MOSMO: variants seen among roughly 807,000 people sequenced by gnomAD.
MOSMO encodes modulator of smoothened protein.
In MOSMO, 5 loss-of-function variants were observed where a neutral mutation model predicts 18.4. That is an observed-to-expected ratio of 0.27 (90% CI 0.14 to 0.57). MOSMO has a LOEUF of 0.57. Ranked by LOEUF, MOSMO falls within the 20% of genes least tolerant of loss-of-function variation. MOSMO has a pLI of 0.92. For synonymous variants in MOSMO, 82 were observed against 82.3 expected (o/e 1.00, Z 0.02); for missense variants, 138 against 211.8 (o/e 0.65, Z 2.16).
At chr16:22,051,496 A>T (rs1186902780) in intron 1 of MOSMO, among the ~76,000 whole-genome samples, 1 of 152,196 alleles carries the variant, frequency 6.6e-6, no homozygotes, top group East Asian at 1.9e-4. Flanking sequence ...GTCAAACCAC[A>T]GACAAATGGC....
chr16:22,075,370 G>A, intron 1 of MOSMO, 117 bp from the exon 2 acceptor site: 2 of 776,374 alleles, frequency 2.6e-6, no homozygotes, highest in Admixed American at 4.1e-5. Flanking sequence ...CTTAGGATGT[G>A]CTTGAATGAC....
downstream of MOSMO, chr16:22,085,115 A>G (rs898267519): frequency 2.0e-5 from 3 of 152,234 alleles, no homozygotes; most frequent in African/African-American, 7.2e-5. Flanking sequence ...GAGCAAATAC[A>G]GAGGCCTTTA....
chr16:22,057,466 T>G (rs1430994215), intron 1 of MOSMO, among the ~76,000 whole-genome samples: 1 of 152,250 alleles, frequency 6.6e-6, no homozygotes, highest in African/African-American at 2.4e-5. Flanking sequence ...CCCAACACAG[T>G]TGCATTGCCG....
At chr16:22,056,380 T>C (rs994951769) in intron 1 of MOSMO, among the ~76,000 whole-genome samples, 4 of 138,040 alleles carry the variant, frequency 2.9e-5, no homozygotes, top group African/African-American at 1.1e-4. Flanking sequence ...TTTTTTTTTT[T>C]TTTTTTTTTT....
At chr16:22,017,261 A>G (rs566876317) in intron 1 of MOSMO, among the ~76,000 whole-genome samples, 2 of 152,284 alleles carry the variant, frequency 1.3e-5, no homozygotes, top group Middle Eastern at 3.4e-3. Flanking sequence ...ATGCATAATT[A>G]TTTACATAGT....
intron 1 of MOSMO, among the ~76,000 whole-genome samples, chr16:22,034,569 T>C (rs971896343): frequency 1.3e-5 from 2 of 152,094 alleles, no homozygotes; most frequent in Admixed American, 1.3e-4. Flanking sequence ...AGAAGTCTCA[T>C]GTAATTCTTA....
intron 1 of MOSMO, among the ~76,000 whole-genome samples, chr16:22,067,979 T>G (rs2141769577): frequency 6.6e-6 from 1 of 152,110 alleles, no homozygotes; most frequent in East Asian, 1.9e-4. Flanking sequence ...CATTTCAAGA[T>G]AAACAGAAAT....
intron 1 of MOSMO, among the ~76,000 whole-genome samples, chr16:22,038,266 A>G (rs1598007560): frequency 6.6e-6 from 1 of 152,236 alleles, no homozygotes; most frequent in Non-Finnish European, 1.5e-5. Flanking sequence ...GAGAAGTGGT[A>G]AAGTAGGAGC....
At chr16:22,043,218 A>G (rs1900243166) in intron 1 of MOSMO, among the ~76,000 whole-genome samples, 1 of 152,216 alleles carries the variant, frequency 6.6e-6, no homozygotes, top group South Asian at 2.1e-4. Flanking sequence ...CTAGCATGAC[A>G]CATAGAAACT....
chr16:22,077,801 C>T (rs1264871714), intron 2 of MOSMO, among the ~76,000 whole-genome samples: 2 of 151,916 alleles, frequency 1.3e-5, no homozygotes, highest in Admixed American at 1.3e-4. Flanking sequence ...GCATGAGGAC[C>T]TTGAGGGTGA....
Position 22,083,564 on chromosome 16 carries a change from A to G in MOSMO, c.*2684A>G, listed in dbSNP as rs1901119705. 7.0e-6 allele frequency: 3 copies of G among 430,686 alleles called. No homozygotes were observed. The highest frequency in any genetic ancestry group is 3.0e-5 in the Admixed American group (1 of 32,886). 26.7% of individuals were successfully genotyped at this position (430,686 alleles called of 1,614,324 possible). On this transcript the variant is annotated 3_prime_UTR_variant, in exon 3 of 3. Coordinates refer to ENST00000542527, the MANE Select transcript of MOSMO (RefSeq NM_001164579.2). ...AAAAAAGGTCACTATAATAAGTACT[A>G]TATAGTACAGTATTAATTTATAGCA...
chr16:22,053,503 A>T (rs1056812590), intron 1 of MOSMO, among the ~76,000 whole-genome samples: 1 of 152,138 alleles, frequency 6.6e-6, no homozygotes, highest in Non-Finnish European at 1.5e-5. Flanking sequence ...GTAAAGATAC[A>T]CAAGAAGTGG....
At chr16:22,035,756 G>A (rs1900095931) in intron 1 of MOSMO, among the ~76,000 whole-genome samples, 1 of 152,174 alleles carries the variant, frequency 6.6e-6, no homozygotes. Context: ...TTCCATGAAT[G>A]AGGATGACAA....
chr16:22,015,139 T>C (rs1347324725), intron 1 of MOSMO, among the ~76,000 whole-genome samples: 1 of 152,204 alleles, frequency 6.6e-6, no homozygotes, highest in Non-Finnish European at 1.5e-5. Context: ...TAATATGCTT[T>C]CTGTCTGTTG....
chr16:22,026,363 C>T (rs1309350831), intron 1 of MOSMO, among the ~76,000 whole-genome samples: 2 of 151,796 alleles, frequency 1.3e-5, no homozygotes, highest in African/African-American at 4.8e-5. Flanking sequence ...GGATGACAGG[C>T]ACGTGCTACC....
chr16:22,064,558 T>C, intron 1 of MOSMO: 4 of 401,796 alleles, frequency 1.0e-5, no homozygotes, highest in South Asian at 7.1e-5. Context: ...CTGACTCACT[T>C]TGGTTTATGC....
At chr16:22,024,016 T>TATATATATATATATATATATA (rs57968547) in intron 1 of MOSMO, among the ~76,000 whole-genome samples, 34 of 145,518 alleles carry the variant, frequency 2.3e-4, no homozygotes, top group African/African-American at 7.3e-4. Context: ...TATATATATA[T>TATATATATATATATATATATA]TTTCTTAAGA....
chr16:22,078,066 G>A (rs530713525), intron 2 of MOSMO, among the ~76,000 whole-genome samples: 1 of 152,050 alleles, frequency 6.6e-6, no homozygotes, highest in Admixed American at 6.5e-5. Context: ...CATGATGGGG[G>A]TTCCCTATGG....
chr16:22,087,653 C>A (rs923907518), downstream of MOSMO: 3 of 152,204 alleles, frequency 2.0e-5, no homozygotes, highest in Non-Finnish European at 2.9e-5. Context: ...AGGCTTTTGA[C>A]TACCTCATCT....
Sources: allele counts gnomAD v4.1 joint callset (sites outside exome capture counted in the v4.1 genomes callset), GRCh38; gene constraint gnomAD v4.1.1; transcripts MANE v1.5; gene names NCBI Gene and HGNC (gene_info 2026-07-23, HGNC 2026-07-21).